Variants in SORCS3 observed in about 807,000 individuals in gnomAD.
SORCS3 encodes sortilin related VPS10 domain containing receptor 3.
SORCS3 carries 57 observed loss-of-function variants against 146.3 expected under a neutral mutation model. That is an observed-to-expected ratio of 0.39 (90% CI 0.31 to 0.49). The LOEUF (loss-of-function observed/expected upper bound fraction) is 0.49, where lower values mean the gene tolerates loss of function less well. Ranked by LOEUF, SORCS3 falls within the 20% of genes least tolerant of loss-of-function variation. The probability of loss-of-function intolerance (pLI) is 0.92; values close to 1 mark genes in which losing one functional copy is unlikely to be tolerated. For synonymous variants in SORCS3, 653 were observed against 618.5 expected (o/e 1.06, Z -0.83); for missense variants, 1,341 against 1,575.5 (o/e 0.85, Z 2.52).
chr10:105,041,089 TTA>T (rs1033995075), intron 4 of SORCS3, among the ~76,000 whole-genome samples: 3 of 137,978 alleles, frequency 2.2e-5, no homozygotes, highest in East Asian at 1.9e-4. Context: ...GTATATATAT[TTA>T]TATATATATA....
chr10:104,978,696 C>T (rs568518863), intron 4 of SORCS3, among the ~76,000 whole-genome samples: 15 of 152,320 alleles, frequency 9.8e-5, no homozygotes, highest in Non-Finnish European at 2.2e-4. Flanking sequence ...TCTGTTACCA[C>T]CACTACTCAA....
At chr10:104,836,265 G>A (rs577415986) in intron 1 of SORCS3, among the ~76,000 whole-genome samples, 1 of 152,268 alleles carries the variant, frequency 6.6e-6, no homozygotes, top group Non-Finnish European at 1.5e-5. Context: ...GGACTTGTTA[G>A]TTCCAATACG....
intron 2 of SORCS3, among the ~76,000 whole-genome samples, chr10:104,896,558 C>A (rs1264278331): frequency 6.6e-6 from 1 of 152,166 alleles, no homozygotes; most frequent in Non-Finnish European, 1.5e-5. Flanking sequence ...TTGTGTGATT[C>A]AAGAAGTAAT....
intron 5 of SORCS3, among the ~76,000 whole-genome samples, chr10:105,080,125 G>A (rs559637319): frequency 3.3e-5 from 5 of 152,248 alleles, no homozygotes; most frequent in Admixed American, 6.5e-5. Context: ...GCTCTTTGAG[G>A]AATCACCACA....
At chr10:105,168,248 A>G (rs1348869423) in intron 13 of SORCS3, among the ~76,000 whole-genome samples, 2 of 152,182 alleles carry the variant, frequency 1.3e-5, no homozygotes, top group East Asian at 3.9e-4. Flanking sequence ...TATTCCTTTC[A>G]AAGAGTAAGA....
chr10:105,239,243 C>T (rs901799468), intron 20 of SORCS3, among the ~76,000 whole-genome samples: 2 of 152,184 alleles, frequency 1.3e-5, no homozygotes, highest in Admixed American at 1.3e-4. Context: ...CTTTGTACCT[C>T]ATATGATGAG....
intron 2 of SORCS3, among the ~76,000 whole-genome samples, chr10:104,871,432 T>G (rs1387303298): frequency 6.6e-6 from 1 of 152,202 alleles, no homozygotes; most frequent in Non-Finnish European, 1.5e-5. Flanking sequence ...TCTGCTACTT[T>G]AGAAAATTTT....
At chr10:104,696,769 AAT>A (rs560499615) in intron 1 of SORCS3, among the ~76,000 whole-genome samples, 11 of 120,676 alleles carry the variant, frequency 9.1e-5, no homozygotes, top group African/African-American at 2.8e-4. Flanking sequence ...TAATATATAT[AAT>A]ATATATATAT....
At chr10:104,756,915 C>T (rs539369410) in intron 1 of SORCS3, among the ~76,000 whole-genome samples, 6 of 152,208 alleles carry the variant, frequency 3.9e-5, no homozygotes, top group African/African-American at 4.8e-5. Flanking sequence ...ATCTTCTGTC[C>T]GTTCCACCTG....
At chr10:105,149,679 G>A (rs2056155079) in intron 9 of SORCS3, among the ~76,000 whole-genome samples, 1 of 152,136 alleles carries the variant, frequency 6.6e-6, no homozygotes. Flanking sequence ...CCAAATAGGG[G>A]TGGGTGGGCA....
intron 4 of SORCS3, among the ~76,000 whole-genome samples, chr10:105,019,187 A>G (rs1468110362): frequency 6.6e-6 from 1 of 152,196 alleles, no homozygotes; most frequent in Non-Finnish European, 1.5e-5. Context: ...AAAACTACAT[A>G]TCTGACCCTT....
intron 2 of SORCS3, among the ~76,000 whole-genome samples, chr10:104,885,431 A>T (rs906304740): frequency 1.3e-5 from 2 of 152,126 alleles, no homozygotes; most frequent in African/African-American, 4.8e-5. Context: ...CTTCTCAGAG[A>T]TCCTTTGTGT....
At chr10:104,964,764 G>A (rs2054816929) in intron 3 of SORCS3, among the ~76,000 whole-genome samples, 1 of 152,112 alleles carries the variant, frequency 6.6e-6, no homozygotes, top group Non-Finnish European at 1.5e-5. Context: ...CCATTTTTAA[G>A]TGTACAGTTT....
chr10:105,106,536 A>G (rs2055823028), intron 7 of SORCS3, among the ~76,000 whole-genome samples: 1 of 152,182 alleles, frequency 6.6e-6, no homozygotes, highest in Non-Finnish European at 1.5e-5. Context: ...ATGATATTTT[A>G]TACACACAGT....
chr10:105,016,981 T>A (rs2055171975), intron 4 of SORCS3, among the ~76,000 whole-genome samples: 1 of 152,334 alleles, frequency 6.6e-6, no homozygotes, highest in South Asian at 2.1e-4. Flanking sequence ...AAGAGAGCAG[T>A]GTACTCATTT....
chr10:105,070,570 C>T (rs72815697), intron 5 of SORCS3, among the ~76,000 whole-genome samples: 4,220 of 152,274 alleles, frequency 0.028, 79 homozygotes, highest in South Asian at 0.067. Flanking sequence ...TTCAATGGAA[C>T]CAATGTCCCA....
chr10:105,177,414 C>T (rs2056413219), intron 13 of SORCS3, among the ~76,000 whole-genome samples: 1 of 152,184 alleles, frequency 6.6e-6, no homozygotes, highest in African/African-American at 2.4e-5. Context: ...GGAAAGGAAA[C>T]AAGCACTCAG....
At chr10:104,927,117 G>A (rs1182741165) in intron 3 of SORCS3, among the ~76,000 whole-genome samples, 1 of 152,138 alleles carries the variant, frequency 6.6e-6, no homozygotes, top group Non-Finnish European at 1.5e-5. Flanking sequence ...CTGTATGTGT[G>A]TATATGTGCA....
At chr10:105,085,816 G>A (rs981289092) in intron 5 of SORCS3, among the ~76,000 whole-genome samples, 2 of 152,120 alleles carry the variant, frequency 1.3e-5, no homozygotes, top group South Asian at 2.1e-4. Context: ...TTCTCTAGAT[G>A]TATGTGTGTG....
Sources: gnomAD v4.1 joint callset for allele counts (sites outside exome capture counted in the v4.1 genomes callset) on GRCh38, gnomAD v4.1.1 for gene constraint, MANE v1.5 for transcripts, NCBI Gene and HGNC (gene_info 2026-07-23, HGNC 2026-07-21) for gene names.